The following ATXN10 variants were observed in gnomAD, a reference collection of about 807,000 sequenced individuals.
ATXN10 encodes the protein ataxin-10.
In ATXN10, 28 loss-of-function variants were observed where a neutral mutation model predicts 52.9. The ratio of observed to expected loss-of-function variants is 0.53; its 90% CI spans 0.39 to 0.73. ATXN10 has a LOEUF of 0.73. ATXN10 is among the 30% of genes least tolerant of loss of function. The pLI is 0.00. For synonymous variants in ATXN10, 226 were observed against 221.5 expected, an observed-to-expected ratio of 1.02 and a Z score of -0.18; for missense variants, 565 against 577.0, an observed-to-expected ratio of 0.98 and a Z score of 0.21.
Position 45,824,735 on chromosome 22 carries a change from G to A in ATXN10, c.1237+17713G>A, listed in dbSNP as rs1928763183. On this transcript the variant is annotated intron_variant, in intron 10 of 11. Coordinates refer to ENST00000252934, the MANE Select transcript of ATXN10 (RefSeq NM_013236.4). This position sits in a 1 kb window ranked among gnomAD's most constrained non-coding sequence, Gnocchi z 5.2. ...TGAATTGATAGAGGTTTTTATCTAT[G>A]GACCGAGGTGATGTGATCTAGCTTT... 6.6e-6 allele frequency among the ~76,000 whole-genome samples: 1 copy of A among 152,172 alleles called. No homozygotes were observed. The highest frequency in any genetic ancestry group is 2.1e-4 in the South Asian group (1 of 4,824).
rs1390206870 is a variant in ATXN10 at position 45,784,891 on chromosome 22, C to T, written c.1174-22068C>T. ...CATAATACAACAAGCAATTGAGATTCTGTCCATGAGTTAAAAATTAAAGAC... is the reference window on the plus strand; with the variant it reads ...CATAATACAACAAGCAATTGAGATTTTGTCCATGAGTTAAAAATTAAAGAC... On this transcript the variant is annotated intron_variant, in intron 9 of 11. Transcript: ENST00000252934. This position sits in a 1 kb window ranked among gnomAD's most constrained non-coding sequence, Gnocchi z 4.2. Among the ~76,000 whole-genome samples, 1 of 152,192 alleles carries T rather than the reference C, an allele frequency of 6.6e-6. No homozygotes were observed. Among genetic ancestry groups the T allele is most frequent in the Non-Finnish European group, 1.5e-5 (1 of 68,042 alleles).
Position 45,841,451 on chromosome 22 carries a change from C to A in ATXN10, c.1238-1540C>A, listed in dbSNP as rs1275711492. ...TTTGTGCCAGGCTCCATGTTGAGGC[C>A]CAAGGCCCCAGGAACACACGACCAC... On this transcript the variant is annotated intron_variant, in intron 10 of 11. Transcript: ENST00000252934. This position sits in a 1 kb window ranked among gnomAD's most constrained non-coding sequence, Gnocchi z 5.1. Among the ~76,000 whole-genome samples the A allele has an allele frequency of 1.3e-5, 2 of 152,180 alleles. No individual in the cohort carries two copies. Among genetic ancestry groups the A allele is most frequent in the African/African-American group, 4.8e-5 (2 of 41,448 alleles).
intron 1 of ATXN10, chr22:45,679,813 GTT>G (rs1287583676): frequency 6.6e-6 from 1 of 152,230 alleles, no homozygotes; most frequent in African/African-American, 2.4e-5. Context: ...TTGGTAAGGT[GTT>G]CTGACTCAGC....
intron 9 of ATXN10, among the ~76,000 whole-genome samples, chr22:45,747,543 C>A (rs1325961076): frequency 6.6e-6 from 1 of 152,082 alleles, no homozygotes; most frequent in Non-Finnish European, 1.5e-5. Context: ...GTGGGTTCTC[C>A]TGTCACTGAC....
chr22:45,735,280 T>G (rs1925249503), intron 7 of ATXN10, among the ~76,000 whole-genome samples: 1 of 152,036 alleles, frequency 6.6e-6, no homozygotes, highest in Admixed American at 6.6e-5. Context: ...GTGAATAATC[T>G]TATCCTTTCC....
chr22:45,738,720 T>C lies in ATXN10; in HGVS notation c.895-11T>C, dbSNP rs1925394451. On this transcript the variant is annotated splice_polypyrimidine_tract_variant and intron_variant, in intron 7 of 11. Coordinates refer to ENST00000252934, the MANE Select transcript of ATXN10 (RefSeq NM_013236.4). Reference sequence around the variant, plus strand: ...AATATGCTAAAAAGTTATGTTTTCTTTTCTTTCTAGGAGGCACTGGCTACA... The same window carrying C: ...AATATGCTAAAAAGTTATGTTTTCTCTTCTTTCTAGGAGGCACTGGCTACA... 6.2e-7 allele frequency: 1 copy of C among 1,608,284 alleles called. No individual in the cohort carries two copies. The highest frequency in any genetic ancestry group is 8.5e-7 in the Non-Finnish European group (1 of 1,175,202).
chr22:45,844,484 C>T lies in ATXN10; in HGVS notation c.*813C>T, dbSNP rs1465248483. 1 of 152,238 alleles carries T rather than the reference C, an allele frequency of 6.6e-6. No individual in the cohort carries two copies. The highest frequency in any genetic ancestry group is 2.4e-5 in the African/African-American group (1 of 41,456). 9.4% of individuals were successfully genotyped at this position (152,238 alleles called of 1,614,324 possible). A position where few individuals can be genotyped will look rare whatever the true frequency, so the allele number is the denominator to read the frequency against. On this transcript the variant is annotated 3_prime_UTR_variant, in exon 12 of 12. Transcript: ENST00000252934. ...TCTTTGATTTAAAAAGCACCAGTCT[C>T]ATAAAGGTGCCACTCAGTTTTAGCC...
chr22:45,800,365 C>G (rs758421406), intron 9 of ATXN10, among the ~76,000 whole-genome samples: 2 of 152,166 alleles, frequency 1.3e-5, no homozygotes, highest in Non-Finnish European at 2.9e-5. Context: ...CCATAAGTAC[C>G]TGAAGATACT....
At position 45,708,888 on chromosome 22, in the gene ATXN10, G is replaced by A. The variant is rs887030907; in HGVS notation, c.647+6041G>A. Among the ~76,000 whole-genome samples, 2 of 152,056 alleles carry A rather than the reference G, an allele frequency of 1.3e-5. No homozygotes were observed. The highest frequency in any genetic ancestry group is 1.3e-4 in the Admixed American group (2 of 15,268). On this transcript the variant is annotated intron_variant, in intron 5 of 11. Transcript: ENST00000252934. The surrounding 1 kb of genome is among the most constrained non-coding windows in gnomAD (Gnocchi z 5.3). ...ACTCCTGACCTCAGGTGATCTCCCC[G>A]CCTGTCTCCCAAAGTGCTGGGATTA... is the stretch of plus-strand genomic sequence containing the variant.
Position 45,805,603 on chromosome 22 carries a change from C to A in ATXN10, c.1174-1356C>A, listed in dbSNP as rs187868918. On this transcript the variant is annotated intron_variant, in intron 9 of 11. Transcript: ENST00000252934. The surrounding 1 kb of genome is among the most constrained non-coding windows in gnomAD (Gnocchi z 4.4). ...AAGCCAGGTTCAAAAGGCTACATGTCGTTCAGATTTTCTGACTCCGTTATA... is the reference window on the plus strand; with the variant it reads ...AAGCCAGGTTCAAAAGGCTACATGTAGTTCAGATTTTCTGACTCCGTTATA... Among the ~76,000 whole-genome samples the A allele has an allele frequency of 6.6e-6, 1 of 152,108 alleles. No individual in the cohort carries two copies. Among genetic ancestry groups the A allele is most frequent in the African/African-American group, 2.4e-5 (1 of 41,422 alleles).
intron 10 of ATXN10, among the ~76,000 whole-genome samples, chr22:45,808,954 T>A (rs1246282043): frequency 6.6e-6 from 1 of 152,212 alleles, no homozygotes; most frequent in Non-Finnish European, 1.5e-5. Flanking sequence ...CACAAGCATC[T>A]TTAGTGTTAT....
rs757510487 is a variant in ATXN10 at position 45,786,024 on chromosome 22, G to C, written c.1174-20935G>C. Among the ~76,000 whole-genome samples the C allele has an allele frequency of 2.6e-5, 4 of 152,062 alleles. No homozygotes were observed. Among genetic ancestry groups the C allele is most frequent in the Non-Finnish European group, 4.4e-5 (3 of 68,014 alleles). ...CATCTTGTAATCAGAAATATAGCTA[G>C]CTTCTTAAAAATCAGCTAATTTCAT... On this transcript the variant is annotated intron_variant, in intron 9 of 11. Coordinates refer to ENST00000252934, the MANE Select transcript of ATXN10 (RefSeq NM_013236.4). This position sits in a 1 kb window ranked among gnomAD's most constrained non-coding sequence, Gnocchi z 4.1.
In ATXN10 at chr22:45,732,946, A is replaced by T. The variant is rs1488482422; in HGVS notation, c.894+3356A>T. 1.3e-5 allele frequency among the ~76,000 whole-genome samples: 2 copies of T among 152,198 alleles called. No homozygotes were observed. The highest frequency in any genetic ancestry group is 4.8e-5 in the African/African-American group (2 of 41,456). On this transcript the variant is annotated intron_variant, in intron 7 of 11. Transcript: ENST00000252934. The surrounding 1 kb of genome is among the most constrained non-coding windows in gnomAD (Gnocchi z 4.5). ...GTTGTATTTATAGCATGTGTTTTTT[A>T]ATTTATGTAATTGTTTGGCTTTAAA...
rs905622055 is a variant in ATXN10, at chr22:45,805,764, A to C, written c.1174-1195A>C. Among the ~76,000 whole-genome samples, 3 of 152,138 alleles carry C rather than the reference A, an allele frequency of 2.0e-5. No homozygotes were observed. The highest frequency in any genetic ancestry group is 7.2e-5 in the African/African-American group (3 of 41,424). On this transcript the variant is annotated intron_variant, in intron 9 of 11. Transcript: ENST00000252934. The surrounding 1 kb of genome is among the most constrained non-coding windows in gnomAD (Gnocchi z 4.4). Reference sequence around the variant, plus strand: ...TTTAGGGGTGAGGAAAATGTTGGAAAATTGGATCATGCTAATGGTTATATA... The same window carrying C: ...TTTAGGGGTGAGGAAAATGTTGGAACATTGGATCATGCTAATGGTTATATA...
chr22:45,715,061 A>C lies in ATXN10; in HGVS notation c.648-3352A>C, dbSNP rs1201104077. 6.6e-6 allele frequency among the ~76,000 whole-genome samples: 1 copy of C among 152,218 alleles called. No homozygotes were observed. Among genetic ancestry groups the C allele is most frequent in the Non-Finnish European group, 1.5e-5 (1 of 68,044 alleles). On this transcript the variant is annotated intron_variant, in intron 5 of 11. Coordinates refer to ENST00000252934, the MANE Select transcript of ATXN10 (RefSeq NM_013236.4). This position sits in a 1 kb window ranked among gnomAD's most constrained non-coding sequence, Gnocchi z 4.4. ...TTGCTTCCTAACCACGCATTCCAGC[A>C]TGCAGAACTCAGTCCTTCCTTTACG...
rs554677244 is a variant in ATXN10, at chr22:45,807,874, C to T, written c.1237+852C>T. 7.9e-5 allele frequency among the ~76,000 whole-genome samples: 12 copies of T among 152,154 alleles called. No homozygotes were observed. In the South Asian group the frequency reaches 2.5e-3, roughly 32 times the overall value. On this transcript the variant is annotated intron_variant, in intron 10 of 11. Transcript: ENST00000252934. ...CTGCGGGAGGCAGTGAGGAGCCTAG[C>T]CTAGCATTGAGGAGACTGAGGAGGG...
chr22:45,695,312 G>A (rs1248354930), intron 3 of ATXN10, among the ~76,000 whole-genome samples: 1 of 144,352 alleles, frequency 6.9e-6, no homozygotes, highest in Non-Finnish European at 1.5e-5. Context: ...GCGACAGAGC[G>A]AGACTCCACC....
At chr22:45,689,985 G>A (rs1923307531) in intron 2 of ATXN10, 82 bp downstream of exon 2, 1 of 1,488,770 alleles carries the variant, frequency 6.7e-7, no homozygotes, top group Non-Finnish European at 9.3e-7. Context: ...GTTAGAAGTT[G>A]TTTTGGGCTG....
rs1283741639 is a variant in ATXN10 at position 45,701,455 on chromosome 22, C to CT, written c.488+1078dup. 1.3e-5 allele frequency among the ~76,000 whole-genome samples: 2 copies of CT among 152,158 alleles called. No individual in the cohort carries two copies. The highest frequency in any genetic ancestry group is 6.5e-5 in the Admixed American group (1 of 15,284). ...GTATAGCGTTAAGATGGGATAAACTCTAATTCACCTGTAGCTCATGGAATT... is the reference window on the plus strand; with the variant it reads ...GTATAGCGTTAAGATGGGATAAACTCTTAATTCACCTGTAGCTCATGGAATT... On this transcript the variant is annotated intron_variant, in intron 4 of 11. Transcript: ENST00000252934. This position sits in a 1 kb window ranked among gnomAD's most constrained non-coding sequence, Gnocchi z 4.2.
Sources: gnomAD v4.1 joint callset for allele counts (sites outside exome capture counted in the v4.1 genomes callset) on GRCh38, gnomAD v4.1.1 for gene constraint, Gnocchi (gnomAD v3.1) non-coding constraint, MANE v1.5 for transcripts, NCBI Gene and HGNC (gene_info 2026-07-23, HGNC 2026-07-21) for gene names.